The following TAF1 variants were observed in gnomAD, a reference collection of about 807,000 sequenced individuals.
TAF1 encodes the protein transcription initiation factor TFIID subunit 1.
A neutral mutation model predicts 138.5 loss-of-function variants in TAF1; 2 were observed. The observed-to-expected ratio is 0.01, with a 90% confidence interval of 0.01 to 0.05. The LOEUF (loss-of-function observed/expected upper bound fraction) is 0.05. Ranked by LOEUF, TAF1 falls within the 10% of genes least tolerant of loss-of-function variation. TAF1 has a pLI of 1.00. For missense variants in TAF1, 709 were observed against 1,478.0 expected (o/e 0.48, Z 8.53); for synonymous variants, 437 against 503.2 (o/e 0.87, Z 1.76).
At chrX:71,460,031 G>A (rs763262512) in intron 36 of TAF1, among the ~76,000 whole-genome samples, 1 of 112,000 alleles carries the variant, frequency 8.9e-6, no homozygotes, top group East Asian at 2.8e-4. Context: ...TTGAGACCAG[G>A]AGTTTGAGAC....
chrX:71,366,511 GGGGGTA>G lies in TAF1; in HGVS notation c.120+21_120+26del. The stretch of plus-strand genomic sequence containing the variant: ...TTGGATGATGTGAGGGGGTGGGCGT[GGGGGTA>G]GGGCTCGGGGGGTGGGGCTAAGCAG... On this transcript the variant is annotated intron_variant, in intron 1 of 37. Transcript: ENST00000423759. 1 of 1,032,090 alleles carries G rather than the reference GGGGGTA, an allele frequency of 9.7e-7. No homozygotes were observed. Among genetic ancestry groups the G allele is most frequent in the Non-Finnish European group, 1.3e-6 (1 of 768,508 alleles). The allele number at this position is 1,032,090 out of a possible 1,213,427, so 85.1% of individuals were successfully genotyped here.
At chrX:71,375,696 G>A (rs1168812257) in intron 4 of TAF1, among the ~76,000 whole-genome samples, 1 of 111,808 alleles carries the variant, frequency 8.9e-6, no homozygotes, top group Non-Finnish European at 1.9e-5. Context: ...GCAGTAGCAC[G>A]ATCTTGGCTC....
chrX:71,387,042 C>T, intron 14 of TAF1: 1 of 409,674 alleles, frequency 2.4e-6, no homozygotes, highest in East Asian at 4.1e-5. Flanking sequence ...TCTGAATTCA[C>T]ATCCTGTATT....
chrX:71,508,086 C>CTCTCTCTCTCTCTCTCTCTATATA (rs4040068), intron 13 of TAF1, among the ~76,000 whole-genome samples: 7 of 92,181 alleles, frequency 7.6e-5, no homozygotes, highest in Non-Finnish European at 1.5e-4. Flanking sequence ...CTCTCTCTCT[C>CTCTCTCTCTCTCTCTCTCTATATA]TATATATATA....
chrX:71,517,446 C>G (rs1196162469), intron 13 of TAF1, among the ~76,000 whole-genome samples: 1 of 110,686 alleles, frequency 9.0e-6, no homozygotes, highest in Non-Finnish European at 1.9e-5. Flanking sequence ...TTTCATGTAC[C>G]CCATAATATA....
intron 32 of TAF1, among the ~76,000 whole-genome samples, chrX:71,434,100 G>A (rs990102149): frequency 9.0e-5 from 10 of 111,685 alleles, no homozygotes; most frequent in Non-Finnish European, 1.5e-4. Flanking sequence ...TGGGTGCAGC[G>A]GCTCACTCCT....
chrX:71,501,254 A>G (rs1236571100), intron 13 of TAF1, among the ~76,000 whole-genome samples: 1 of 110,643 alleles, frequency 9.0e-6, no homozygotes, highest in Non-Finnish European at 1.9e-5. Flanking sequence ...TAGGCCTGCT[A>G]GTCTGAGGAG....
intron 32 of TAF1, among the ~76,000 whole-genome samples, chrX:71,452,119 C>A (rs1217701899): frequency 9.4e-6 from 1 of 106,482 alleles, no homozygotes; most frequent in East Asian, 3.1e-4. Flanking sequence ...ACCCCCCCCC[C>A]CACCTCCCTC....
intron 13 of TAF1, among the ~76,000 whole-genome samples, chrX:71,493,482 C>A (rs753153627): frequency 7.1e-5 from 8 of 112,817 alleles, no homozygotes; most frequent in African/African-American, 2.6e-4. Flanking sequence ...GCATTCACTG[C>A]TGTTGTATCT....
intron 28 of TAF1, among the ~76,000 whole-genome samples, chrX:71,411,441 G>C (rs1382014026): frequency 9.0e-6 from 1 of 110,933 alleles, no homozygotes; most frequent in Non-Finnish European, 1.9e-5. Flanking sequence ...ATCGCACCAT[G>C]GCACTCCAGC....
intron 14 of TAF1, among the ~76,000 whole-genome samples, chrX:71,529,088 T>C (rs1423124403): frequency 3.7e-5 from 4 of 108,345 alleles, no homozygotes; most frequent in African/African-American, 1.4e-4. Context: ...GTTTTTTTTT[T>C]TGAGACAGAG....
At chrX:71,450,991 G>A (rs1186832423) in intron 32 of TAF1, among the ~76,000 whole-genome samples, 7 of 111,926 alleles carry the variant, frequency 6.3e-5, no homozygotes, top group Non-Finnish European at 1.1e-4. Context: ...AGCTGACTCT[G>A]TCTTGGCCAC....
chrX:71,396,351 G>C (rs1292866426), intron 22 of TAF1, among the ~76,000 whole-genome samples: 2 of 104,445 alleles, frequency 1.9e-5, no homozygotes, highest in East Asian at 6.1e-4. Context: ...CTGGAGGGCA[G>C]TGGTGCAACC....
intron 8 of TAF1, among the ~76,000 whole-genome samples, chrX:71,379,894 G>A (rs762499789): frequency 9.9e-5 from 11 of 111,259 alleles, no homozygotes; most frequent in Non-Finnish European, 1.3e-4. Flanking sequence ...GAGCCACCAC[G>A]CCTGGCCTGA....
At chrX:71,443,116 T>G (rs2037511163) in intron 32 of TAF1, among the ~76,000 whole-genome samples, 1 of 112,104 alleles carries the variant, frequency 8.9e-6, no homozygotes, top group Non-Finnish European at 1.9e-5. Context: ...CTTTGTTCTC[T>G]TGGCTTAGGA....
chrX:71,483,778 CTCTA>C (rs1483088329), intron 13 of TAF1, among the ~76,000 whole-genome samples: 28 of 54,128 alleles, frequency 5.2e-4, no homozygotes, highest in East Asian at 1.4e-3. Context: ...CTCTCTCTCT[CTCTA>C]TATATATATA....
intron 13 of TAF1, among the ~76,000 whole-genome samples, chrX:71,501,606 C>T (rs957907235): frequency 4.5e-5 from 5 of 111,195 alleles, no homozygotes; most frequent in African/African-American, 6.5e-5. Flanking sequence ...AACTTTTTGT[C>T]GGGACCCTGG....
intron 32 of TAF1, among the ~76,000 whole-genome samples, chrX:71,437,204 C>CT (rs778001459): frequency 1.8e-5 from 2 of 111,259 alleles, no homozygotes; most frequent in Non-Finnish European, 3.8e-5. Flanking sequence ...TGCTTGTACT[C>CT]TTTTTTTCCT....
At chrX:71,447,690 CTG>C (rs772079749) in intron 32 of TAF1, among the ~76,000 whole-genome samples, 1,056 of 101,370 alleles carry the variant, frequency 0.01, 6 homozygotes, top group Non-Finnish European at 0.016. Flanking sequence ...GAGCGAGACA[CTG>C]TGTCAAAAAA....
Sources: allele counts gnomAD v4.1 joint callset (sites outside exome capture counted in the v4.1 genomes callset), GRCh38; gene constraint gnomAD v4.1.1; transcripts MANE v1.5; gene names NCBI Gene and HGNC (gene_info 2026-07-23, HGNC 2026-07-21).